The following CC2D2A variants were observed in gnomAD, a reference collection of about 807,000 sequenced individuals.
The protein encoded by CC2D2A is coiled-coil and C2 domain-containing protein 2A.
A neutral mutation model predicts 212.9 loss-of-function variants in CC2D2A; 155 were observed. That is an observed-to-expected ratio of 0.73 (90% CI 0.64 to 0.83). The LOEUF (loss-of-function observed/expected upper bound fraction) is 0.83, where lower values mean the gene tolerates loss of function less well. Among genes scored for constraint, CC2D2A ranks in the 40% least tolerant of loss-of-function variants. CC2D2A has a pLI of 0.00. For missense variants in CC2D2A, 1,856 were observed against 1,956.2 expected (o/e 0.95, Z 0.97); for synonymous variants, 667 against 686.5 (o/e 0.97, Z 0.44).
intron 28 of CC2D2A, among the ~76,000 whole-genome samples, chr4:15,570,845 G>A (rs926792376): frequency 1.2e-4 from 19 of 152,032 alleles, no homozygotes; most frequent in East Asian, 9.6e-4. Flanking sequence ...CCAAGATCGC[G>A]CCATTGCACT....
intron 11 of CC2D2A, among the ~76,000 whole-genome samples, chr4:15,525,562 T>C (rs764794762): frequency 5.9e-5 from 9 of 152,012 alleles, no homozygotes; most frequent in Non-Finnish European, 1.2e-4. Context: ...GTCTGAAGTG[T>C]AGGGATATTA....
At chr4:15,577,206 G>A (rs539810431) in intron 29 of CC2D2A, among the ~76,000 whole-genome samples, 2 of 152,172 alleles carry the variant, frequency 1.3e-5, no homozygotes, top group South Asian at 4.2e-4. Flanking sequence ...TTGTTGACCA[G>A]GCTGCTTTCA....
chr4:15,587,861 C>T lies in CC2D2A; in HGVS notation c.4111C>T (p.Leu1371=). 2 of 1,613,468 alleles carry T rather than the reference C, an allele frequency of 1.2e-6. No individual in the cohort carries two copies. The highest frequency in any genetic ancestry group is 1.1e-5 in the South Asian group (1 of 91,054). The change falls in exon 32 of 37, where the codon CTA becomes TTA. Residue 1371 remains leucine (L), a synonymous_variant. Coordinates refer to ENST00000424120, the MANE Select transcript of CC2D2A (RefSeq NM_001378615.1). The stretch of plus-strand genomic sequence containing the variant: ...AGGGGATGAAGAAGAACATGCAGTA[C>T]TATTGTGTAATTACTTTCTGTCTCT... The part of the protein sequence containing the change: ...LAGDEEEHAV[L]LCNYFLSLGK...
Position 15,486,872 on chromosome 4 carries a change from A to AT in CC2D2A, c.247+6051dup, listed in dbSNP as rs1241892395. On this transcript the variant is annotated intron_variant, in intron 4 of 36. Transcript: ENST00000424120. ...TTTCCATTTTCATTTGTTCCAGTCA[A>AT]TTTTTTATTTTTTTAATTCATCATT... Among the ~76,000 whole-genome samples, 3 of 151,668 alleles carry AT rather than the reference A, an allele frequency of 2.0e-5. No homozygotes were observed. The East Asian group carries it at 5.8e-4, about 29-fold the overall frequency.
intron 36 of CC2D2A, 62 bp downstream of exon 36, chr4:15,599,768 C>A: frequency 1.5e-6 from 2 of 1,323,958 alleles, no homozygotes; most frequent in Non-Finnish European, 2.1e-6. Flanking sequence ...GGAAATTAGC[C>A]AATAATAGGT....
rs111236626 is a variant in CC2D2A at position 15,503,365 on chromosome 4, AC to A, written c.438+444del. On this transcript the variant is annotated intron_variant, in intron 6 of 36. Transcript: ENST00000424120. The stretch of plus-strand genomic sequence containing the variant: ...ACTACTCTGTGCCAGGCATTTTACC[AC>A]CTTTGTCCCATGTTATCACATTTCA... Among the ~76,000 whole-genome samples the A allele has an allele frequency of 6.6e-5, 10 of 152,246 alleles. 1 individual carries two copies. The highest frequency in any genetic ancestry group is 2.4e-4 in the African/African-American group (10 of 41,530).
intron 4 of CC2D2A, among the ~76,000 whole-genome samples, chr4:15,497,163 T>C (rs1221200191): frequency 6.6e-6 from 1 of 152,164 alleles, no homozygotes; most frequent in Non-Finnish European, 1.5e-5. Context: ...CTTCAAACTA[T>C]ACTGCAAGGA....
chr4:15,479,138 G>A (rs925944595), intron 3 of CC2D2A: 3 of 923,596 alleles, frequency 3.2e-6, no homozygotes, highest in Non-Finnish European at 5.1e-6. Context: ...GACTATGATG[G>A]GCAGTAGATG....
chr4:15,534,616 C>T (rs1718024734), intron 14 of CC2D2A, among the ~76,000 whole-genome samples: 1 of 152,180 alleles, frequency 6.6e-6, no homozygotes. Flanking sequence ...ATTGTTTCAC[C>T]TGGATAAGTG....
intron 21 of CC2D2A, among the ~76,000 whole-genome samples, chr4:15,558,544 A>T (rs1719407627): frequency 6.6e-6 from 1 of 151,086 alleles, no homozygotes; most frequent in Non-Finnish European, 1.5e-5. Context: ...TCTCTACTTG[A>T]CCACATGGTC....
intron 4 of CC2D2A, among the ~76,000 whole-genome samples, chr4:15,497,938 GACATA>G (rs1715711641): frequency 6.6e-6 from 1 of 152,188 alleles, no homozygotes; most frequent in Non-Finnish European, 1.5e-5. Flanking sequence ...TCAATTTGTG[GACATA>G]ACATGAGAGG....
At chr4:15,530,072 C>G in intron 13 of CC2D2A, among the ~76,000 whole-genome samples, 1 of 151,622 alleles carries the variant, frequency 6.6e-6, no homozygotes, top group East Asian at 1.9e-4. Flanking sequence ...CCCGGGTTCA[C>G]GCCATTCTCC....
At chr4:15,511,501 G>T in intron 8 of CC2D2A, 78 bp downstream of exon 8, 1 of 1,340,548 alleles carries the variant, frequency 7.5e-7, no homozygotes, top group Non-Finnish European at 9.8e-7. Context: ...AAGAAAGAAA[G>T]TGGCTGAGGA....
At chr4:15,520,990 T>C (rs1717170774) in intron 11 of CC2D2A, among the ~76,000 whole-genome samples, 1 of 152,066 alleles carries the variant, frequency 6.6e-6, no homozygotes, top group South Asian at 2.1e-4. Flanking sequence ...TTTCAATACT[T>C]TTGAGAAGCA....
At chr4:15,590,438 C>T (rs937731840) in intron 33 of CC2D2A, among the ~76,000 whole-genome samples, 4 of 152,100 alleles carry the variant, frequency 2.6e-5, no homozygotes, top group African/African-American at 9.7e-5. Context: ...TTGCTTGAAC[C>T]CAGGAGGCAG....
rs371799999 is a variant in CC2D2A, at chr4:15,585,910, A to G, written c.3976-247A>G. Among the ~76,000 whole-genome samples, 82 of 152,326 alleles carry G rather than the reference A, an allele frequency of 5.4e-4. 1 individual carries two copies. In the South Asian group the frequency reaches 0.017, roughly 31 times the overall value. ...TCAGAAAGTAAAGTAGTGCGAAATG[A>G]AAGAAAATTAAAAAAGACTTGTCAA... is the stretch of plus-strand genomic sequence containing the variant. On this transcript the variant is annotated intron_variant, in intron 30 of 36. Coordinates refer to ENST00000424120, the MANE Select transcript of CC2D2A (RefSeq NM_001378615.1).
At chr4:15,592,772 G>A (rs958572476) in intron 33 of CC2D2A, among the ~76,000 whole-genome samples, 1 of 152,094 alleles carries the variant, frequency 6.6e-6, no homozygotes, top group African/African-American at 2.4e-5. Flanking sequence ...ACCAGCCCCA[G>A]AACCTTTGTC....
chr4:15,492,073 GA>G (rs1715332537), intron 4 of CC2D2A, among the ~76,000 whole-genome samples: 1 of 152,126 alleles, frequency 6.6e-6, no homozygotes, highest in African/African-American at 2.4e-5. Flanking sequence ...TTACTTAACT[GA>G]AACTGACCTT....
intron 13 of CC2D2A, 50 bp downstream of exon 13, chr4:15,528,776 A>G: frequency 1.5e-6 from 2 of 1,302,106 alleles, no homozygotes; most frequent in South Asian, 2.7e-5. Flanking sequence ...TTAGATGTGC[A>G]CTTGTTAGAG....
Sources: gnomAD v4.1 joint callset for allele counts (sites outside exome capture counted in the v4.1 genomes callset) on GRCh38, gnomAD v4.1.1 for gene constraint, MANE v1.5 for transcripts, NCBI Gene and HGNC (gene_info 2026-07-23, HGNC 2026-07-21) for gene names.